THSD4: variants seen among roughly 807,000 people sequenced by gnomAD.
THSD4 encodes thrombospondin type 1 domain containing 4, also known as thrombospondin type-1 domain-containing protein 4.
A neutral mutation model predicts 119.0 loss-of-function variants in THSD4; 69 were observed. The observed-to-expected ratio is 0.58, with a 90% CI of 0.48 to 0.71. The LOEUF is 0.71. THSD4 is among the 30% of genes least tolerant of loss of function. THSD4 has a pLI of 0.00. For synonymous variants in THSD4, 524 were observed against 540.4 expected (o/e 0.97, Z 0.42); for missense variants, 1,393 against 1,391.1 (o/e 1.00, Z -0.02).
intron 6 of THSD4, among the ~76,000 whole-genome samples, chr15:71,263,550 G>A (rs936496758): frequency 2.6e-5 from 4 of 152,078 alleles, no homozygotes; most frequent in African/African-American, 9.7e-5. Context: ...CTGTCTCTAA[G>A]TCTTTGAGGA....
chr15:71,141,675 A>G (rs895268365), intron 2 of THSD4, 119 bp downstream of exon 2: 11 of 1,153,636 alleles, frequency 9.5e-6, no homozygotes, highest in Non-Finnish European at 1.3e-5. Context: ...GATATTTTTG[A>G]TATAATACGT....
chr15:71,321,391 C>G (rs376536473), intron 6 of THSD4, among the ~76,000 whole-genome samples: 111 of 152,222 alleles, frequency 7.3e-4, no homozygotes, highest in Middle Eastern at 3.4e-3. Flanking sequence ...CAAAAATTAG[C>G]TGAGCATGGT....
At chr15:71,551,947 A>G (rs932892054) in intron 7 of THSD4, among the ~76,000 whole-genome samples, 2 of 152,240 alleles carry the variant, frequency 1.3e-5, no homozygotes, top group African/African-American at 4.8e-5. Flanking sequence ...AAGTTACCAG[A>G]TGCCAGCCTA....
At chr15:71,288,720 C>T (rs563465673) in intron 6 of THSD4, among the ~76,000 whole-genome samples, 28 of 152,206 alleles carry the variant, frequency 1.8e-4, no homozygotes, top group Admixed American at 1.5e-3. Flanking sequence ...AGTAAATTTC[C>T]GTATCTTACT....
chr15:71,149,830 C>T (rs961650037), intron 2 of THSD4, among the ~76,000 whole-genome samples: 3 of 152,012 alleles, frequency 2.0e-5, no homozygotes, highest in South Asian at 4.2e-4. Context: ...GAGATGGTAG[C>T]GGGGGTGGAG....
intron 6 of THSD4, among the ~76,000 whole-genome samples, chr15:71,408,565 G>T (rs4448889): frequency 0.95 from 145,101 of 152,094 alleles, 69,613 homozygotes; most frequent in East Asian, 1. Context: ...TTTAAAGGAG[G>T]TGGGGGCTGG....
In THSD4 at chr15:71,165,325, G is replaced by A. The variant is rs113012046; in HGVS notation, c.99+10393G>A. On this transcript the variant is annotated intron_variant, in intron 3 of 17. Coordinates refer to ENST00000261862, the MANE Select transcript of THSD4 (RefSeq NM_024817.3). ...CTTGAGAAGTTGACTGAAGCATCTG[G>A]GTGCTTCTTCTTATGCTCCTCCCGA... 3.7e-4 allele frequency: 591 copies of A among 1,580,542 alleles called. 3 individuals are homozygous for A. In the African/African-American group the frequency reaches 6.4e-3, roughly 17 times the overall value.
chr15:71,604,652 A>C (rs540122492), intron 7 of THSD4, among the ~76,000 whole-genome samples: 1 of 152,360 alleles, frequency 6.6e-6, no homozygotes, highest in Non-Finnish European at 1.5e-5. Context: ...TGCCTCATTT[A>C]AACTTAGAGG....
At chr15:71,389,731 A>G (rs984060715) in intron 6 of THSD4, among the ~76,000 whole-genome samples, 2 of 147,218 alleles carry the variant, frequency 1.4e-5, no homozygotes, top group African/African-American at 2.5e-5. Context: ...TGGCTATACT[A>G]TTTTACATTC....
chr15:71,307,219 T>C (rs1477546995), intron 6 of THSD4, among the ~76,000 whole-genome samples: 1 of 152,198 alleles, frequency 6.6e-6, no homozygotes, highest in Non-Finnish European at 1.5e-5. Flanking sequence ...GCTGGCTCAG[T>C]AAATATGCCC....
intron 7 of THSD4, among the ~76,000 whole-genome samples, chr15:71,581,834 G>A (rs1228526381): frequency 6.6e-6 from 1 of 152,076 alleles, no homozygotes; most frequent in African/African-American, 2.4e-5. Flanking sequence ...GTAAACGTGT[G>A]GGTTTATTTC....
At chr15:71,633,339 A>G (rs1451208727) in intron 7 of THSD4, among the ~76,000 whole-genome samples, 1 of 141,270 alleles carries the variant, frequency 7.1e-6, no homozygotes, top group Non-Finnish European at 1.5e-5. Context: ...GCAGTGGCGC[A>G]ATCATAGCTC....
intron 7 of THSD4, among the ~76,000 whole-genome samples, chr15:71,489,579 G>A (rs1419856204): frequency 6.6e-6 from 1 of 152,028 alleles, no homozygotes; most frequent in African/African-American, 2.4e-5. Context: ...TATGAAATCT[G>A]CTGCCTCTAG....
At chr15:71,581,449 A>ATTTTT (rs1301451936) in intron 7 of THSD4, among the ~76,000 whole-genome samples, 1 of 152,114 alleles carries the variant, frequency 6.6e-6, no homozygotes, top group Non-Finnish European at 1.5e-5. Context: ...ATCAGGATAT[A>ATTTTT]TGTTTTGCAA....
chr15:71,667,301 C>G (rs1445441925), intron 8 of THSD4, among the ~76,000 whole-genome samples: 1 of 152,112 alleles, frequency 6.6e-6, no homozygotes, highest in African/African-American at 2.4e-5. Context: ...TATTACTTGC[C>G]TTTTTCTTAA....
chr15:71,498,913 C>T (rs895989058), intron 7 of THSD4, among the ~76,000 whole-genome samples: 9 of 150,576 alleles, frequency 6.0e-5, no homozygotes, highest in Admixed American at 5.3e-4. Flanking sequence ...CCATGTTGCC[C>T]AGGCTGGTCT....
intron 6 of THSD4, among the ~76,000 whole-genome samples, chr15:71,371,513 G>T (rs2046047679): frequency 6.6e-6 from 1 of 152,090 alleles, no homozygotes; most frequent in Non-Finnish European, 1.5e-5. Context: ...GTCTGTAAAG[G>T]ATTTTATTTC....
intron 3 of THSD4, among the ~76,000 whole-genome samples, chr15:71,181,616 T>C (rs187224269): frequency 1.7e-4 from 26 of 152,376 alleles, no homozygotes; most frequent in Admixed American, 3.3e-4. Context: ...TCAATGCTTA[T>C]GGACTTCTCC....
At chr15:71,451,002 A>C (rs1013894485) in intron 7 of THSD4, among the ~76,000 whole-genome samples, 9 of 152,146 alleles carry the variant, frequency 5.9e-5, no homozygotes, top group Admixed American at 2.0e-4. Flanking sequence ...ACATGGCGAA[A>C]CACCGTCTCC....
Sources: allele counts gnomAD v4.1 joint callset (sites outside exome capture counted in the v4.1 genomes callset), GRCh38; gene constraint gnomAD v4.1.1; transcripts MANE v1.5; gene names NCBI Gene and HGNC (gene_info 2026-07-23, HGNC 2026-07-21).